MECOM: variants seen among roughly 807,000 people sequenced by gnomAD.
The protein encoded by MECOM is histone-lysine N-methyltransferase MECOM.
Under a neutral mutation model 116.3 loss-of-function variants are expected in MECOM, and 13 were observed. The ratio of observed to expected loss-of-function variants is 0.11; its 90% confidence interval spans 0.07 to 0.18. MECOM has a LOEUF of 0.18. Among genes scored for constraint, MECOM ranks in the 10% least tolerant of loss-of-function variants. MECOM has a pLI of 1.00. For synonymous variants in MECOM, 528 were observed against 535.2 expected (o/e 0.99, Z 0.19); for missense variants, 1,299 against 1,509.0 (o/e 0.86, Z 2.31).
Position 169,481,664 on chromosome 3 carries a change from C to CTGTGTG in MECOM, c.38-100146_38-100141dup, listed in dbSNP as rs5854335. ...AATATATATTATTCCAGTGACAAAT[C>CTGTGTG]TGTGTGTGTGTGTGTGTGTGTGTCC... On this transcript the variant is annotated intron_variant, in intron 1 of 16. Coordinates refer to ENST00000651503, the MANE Select transcript of MECOM (RefSeq NM_004991.4). Among the ~76,000 whole-genome samples, 234 of 151,312 alleles carry CTGTGTG rather than the reference C, an allele frequency of 1.5e-3. 1 individual carries two copies. Among genetic ancestry groups the CTGTGTG allele is most frequent in the African/African-American group, 5.2e-3 (216 of 41,238 alleles).
intron 2 of MECOM, among the ~76,000 whole-genome samples, chr3:169,319,165 G>A (rs1489159754): frequency 6.6e-6 from 1 of 151,728 alleles, no homozygotes; most frequent in Non-Finnish European, 1.5e-5. Flanking sequence ...GCAAACACTT[G>A]GAAACAACCC....
chr3:169,456,788 C>T (rs532233891), intron 1 of MECOM, among the ~76,000 whole-genome samples: 11 of 152,244 alleles, frequency 7.2e-5, no homozygotes, highest in South Asian at 4.1e-4. Flanking sequence ...CATAATACTA[C>T]GCACTGAAAG....
chr3:169,412,157 G>A (rs1277350884), intron 1 of MECOM, among the ~76,000 whole-genome samples: 1 of 151,338 alleles, frequency 6.6e-6, no homozygotes, highest in Non-Finnish European at 1.5e-5. Context: ...ATGGTGGTAG[G>A]CACCTGTAAT....
chr3:169,125,729 C>T (rs1577058078), intron 5 of MECOM, among the ~76,000 whole-genome samples: 2 of 152,176 alleles, frequency 1.3e-5, no homozygotes, highest in East Asian at 3.9e-4. Flanking sequence ...CTCTGCTTTT[C>T]GTGGAATTTT....
chr3:169,512,420 A>G (rs1244323532), intron 1 of MECOM, among the ~76,000 whole-genome samples: 1 of 152,200 alleles, frequency 6.6e-6, no homozygotes, highest in Non-Finnish European at 1.5e-5. Context: ...TGTGAGAGGC[A>G]TCTATAGCAC....
At chr3:169,559,536 C>T (rs1762418462) in intron 1 of MECOM, among the ~76,000 whole-genome samples, 1 of 152,184 alleles carries the variant, frequency 6.6e-6, no homozygotes, top group South Asian at 2.1e-4. Flanking sequence ...TTTGAAGCTC[C>T]AGTGATATAC....
chr3:169,364,772 TTGA>T (rs770604553), intron 2 of MECOM, among the ~76,000 whole-genome samples: 16 of 151,992 alleles, frequency 1.1e-4, no homozygotes, highest in Non-Finnish European at 2.1e-4. Flanking sequence ...CCACTCAAAA[TTGA>T]TGATGAAAGC....
In MECOM at chr3:169,260,251, C is replaced by A. The variant is rs1757381153; in HGVS notation, c.376-116419G>T. Among the ~76,000 whole-genome samples the A allele has an allele frequency of 1.3e-5, 2 of 152,070 alleles. 1 individual carries two copies. Among genetic ancestry groups the A allele is most frequent in the African/African-American group, 4.8e-5 (2 of 41,390 alleles). ...CTTACTCATCATATTTTAAAATTTA[C>A]CTTTTTAAAAAAATATACCCAGTAA... is the stretch of plus-strand genomic sequence containing the variant. On this transcript the variant is annotated intron_variant, in intron 2 of 16. Coordinates refer to ENST00000651503, the MANE Select transcript of MECOM (RefSeq NM_004991.4).
intron 1 of MECOM, among the ~76,000 whole-genome samples, chr3:169,633,781 T>A: frequency 6.7e-6 from 1 of 148,968 alleles, no homozygotes; most frequent in African/African-American, 2.5e-5. Flanking sequence ...AGGTTGGGGG[T>A]CAAGATGAAG....
At chr3:169,583,480 C>G (rs921469185) in intron 1 of MECOM, among the ~76,000 whole-genome samples, 13 of 152,092 alleles carry the variant, frequency 8.5e-5, no homozygotes, top group African/African-American at 3.1e-4. Flanking sequence ...CTTTCCCTCC[C>G]TCTCTCTTTC....
chr3:169,625,566 A>C (rs561071455), intron 1 of MECOM, among the ~76,000 whole-genome samples: 1 of 152,352 alleles, frequency 6.6e-6, no homozygotes, highest in African/African-American at 2.4e-5. Flanking sequence ...TCACTGTGTA[A>C]GAAATAGAAA....
In MECOM at chr3:169,477,126, TATATATATATATATATATATATAC is replaced by T. The variant is rs1237624102; in HGVS notation, c.38-95626_38-95603del. The T allele has an allele frequency of 9.8e-3, 890 of 90,536 alleles. 44 individuals carry two copies. The highest frequency in any genetic ancestry group is 0.036 in the African/African-American group (738 of 20,342). 5.6% of individuals were successfully genotyped at this position (90,536 alleles called of 1,614,324 possible). A position where few individuals can be genotyped will look rare whatever the true frequency, so the allele number is the denominator to read the frequency against. ...GTGTGTATATATATATATATATATA[TATATATATATATATATATATATAC>T]ACACACACACAATTTCATTTGCAAT... On this transcript the variant is annotated intron_variant, in intron 1 of 16. Transcript: ENST00000651503.
intron 2 of MECOM, among the ~76,000 whole-genome samples, chr3:169,196,126 C>G (rs907938695): frequency 2.0e-5 from 3 of 151,888 alleles, no homozygotes; most frequent in Non-Finnish European, 2.9e-5. Flanking sequence ...GGAAGTCATG[C>G]CCATTGATTA....
At chr3:169,342,971 C>A (rs1251841786) in intron 2 of MECOM, among the ~76,000 whole-genome samples, 1 of 152,056 alleles carries the variant, frequency 6.6e-6, no homozygotes, top group Non-Finnish European at 1.5e-5. Flanking sequence ...TCACAACTTG[C>A]AAAGATTGTG....
intron 1 of MECOM, among the ~76,000 whole-genome samples, chr3:169,559,546 C>T (rs1313255179): frequency 6.6e-6 from 1 of 152,210 alleles, no homozygotes; most frequent in Non-Finnish European, 1.5e-5. Context: ...CAGTGATATA[C>T]CATGTTCTGC....
At chr3:169,645,455 T>C (rs915987568) in intron 1 of MECOM, among the ~76,000 whole-genome samples, 9 of 152,230 alleles carry the variant, frequency 5.9e-5, no homozygotes, top group Admixed American at 2.6e-4. Flanking sequence ...AAACAGCTGC[T>C]GATTCTGGGG....
At chr3:169,461,437 G>A (rs187054607) in intron 1 of MECOM, among the ~76,000 whole-genome samples, 31 of 152,232 alleles carry the variant, frequency 2.0e-4, no homozygotes, top group Admixed American at 5.9e-4. Flanking sequence ...AGAATTTTAG[G>A]ACTGCAAAGA....
At chr3:169,486,006 C>T (rs112979697) in intron 1 of MECOM, among the ~76,000 whole-genome samples, 1 of 108,562 alleles carries the variant, frequency 9.2e-6, no homozygotes, top group East Asian at 2.8e-4. Context: ...TATATATATA[C>T]TATATATATA....
chr3:169,429,802 T>C (rs1326489007), intron 1 of MECOM, among the ~76,000 whole-genome samples: 1 of 152,188 alleles, frequency 6.6e-6, no homozygotes, highest in Non-Finnish European at 1.5e-5. Context: ...ACCACTTCTC[T>C]ACGTCAGTGT....
Sources: allele counts gnomAD v4.1 joint callset (sites outside exome capture counted in the v4.1 genomes callset), GRCh38; gene constraint gnomAD v4.1.1; transcripts MANE v1.5; gene names NCBI Gene and HGNC (gene_info 2026-07-23, HGNC 2026-07-21).